The following DARS1 variants were observed in gnomAD, a reference collection of about 807,000 sequenced individuals.
The protein encoded by DARS1 is aspartate--tRNA ligase, cytoplasmic.
DARS1 carries 51 observed loss-of-function variants against 68.8 expected under a neutral mutation model. The observed-to-expected ratio is 0.74, with a 90% CI of 0.59 to 0.94. The LOEUF is 0.94. Among genes scored for constraint, DARS1 ranks in the 40% least tolerant of loss-of-function variants. The probability of loss-of-function intolerance (pLI) is 0.00; values close to 1 mark genes in which losing one functional copy is unlikely to be tolerated. For missense variants in DARS1, 607 were observed against 597.3 expected, an observed-to-expected ratio of 1.02 and a Z score of -0.17; for synonymous variants, 203 against 190.4, an observed-to-expected ratio of 1.07 and a Z score of -0.55.
Position 135,925,223 on chromosome 2 carries a change from C to CT in DARS1, c.565-726dup, listed in dbSNP as rs576672998. 2.6e-5 allele frequency among the ~76,000 whole-genome samples: 4 copies of CT among 152,248 alleles called. No homozygotes were observed. In the East Asian group the frequency reaches 7.7e-4, roughly 29 times the overall value. ...TAGAGGTAATTATCTCTACTTTAGA[C>CT]TAACTTTTGTCCACTTCTCTGGTCA... On this transcript the variant is annotated intron_variant, in intron 7 of 15. Transcript: ENST00000264161.
chr2:135,960,280 T>C (rs1682071881), intron 4 of DARS1, among the ~76,000 whole-genome samples: 1 of 152,224 alleles, frequency 6.6e-6, no homozygotes. Flanking sequence ...ATACAATTCA[T>C]GGCACTTAAG....
chr2:135,977,435 G>A (rs1011228816), intron 3 of DARS1, among the ~76,000 whole-genome samples: 1 of 152,190 alleles, frequency 6.6e-6, no homozygotes, highest in Non-Finnish European at 1.5e-5. Flanking sequence ...ATAAAGGGAT[G>A]GGTGTGAAGG....
At chr2:135,923,639 T>C (rs1187700589) in intron 8 of DARS1, among the ~76,000 whole-genome samples, 1 of 152,206 alleles carries the variant, frequency 6.6e-6, no homozygotes, top group African/African-American at 2.4e-5. Context: ...ATTGTGAATT[T>C]GTAACAAAAT....
At chr2:135,967,976 A>C (rs916524360) in intron 3 of DARS1, among the ~76,000 whole-genome samples, 1 of 152,164 alleles carries the variant, frequency 6.6e-6, no homozygotes, top group African/African-American at 2.4e-5. Flanking sequence ...AACACAATCT[A>C]CGGCCGGGGG....
At chr2:135,963,984 A>C (rs1682158830) in intron 3 of DARS1, among the ~76,000 whole-genome samples, 1 of 152,212 alleles carries the variant, frequency 6.6e-6, no homozygotes. Flanking sequence ...CCTGGCCTTA[A>C]TGACTATTAT....
chr2:135,953,350 CCA>C (rs1681891080), intron 4 of DARS1, among the ~76,000 whole-genome samples: 1 of 152,188 alleles, frequency 6.6e-6, no homozygotes, highest in Non-Finnish European at 1.5e-5. Flanking sequence ...TTTCCTGCAT[CCA>C]CAATCTTAGT....
At chr2:135,960,749 A>G (rs1682080467) in intron 4 of DARS1, among the ~76,000 whole-genome samples, 1 of 152,146 alleles carries the variant, frequency 6.6e-6, no homozygotes, top group Admixed American at 6.6e-5. Flanking sequence ...AGCTCTCATC[A>G]CCTTAGAGCC....
chr2:135,926,168 G>A (rs1681208328), intron 7 of DARS1, among the ~76,000 whole-genome samples: 1 of 152,152 alleles, frequency 6.6e-6, no homozygotes, highest in African/African-American at 2.4e-5. Context: ...TGGGATTACA[G>A]GTGTGAGCCA....
chr2:135,959,280 G>C lies in DARS1; in HGVS notation c.320+2116C>G, dbSNP rs545082497. Among the ~76,000 whole-genome samples, 8 of 151,564 alleles carry C rather than the reference G, an allele frequency of 5.3e-5. No homozygotes were observed. The South Asian group carries it at 1.0e-3, about 20-fold the overall frequency. ...GTGGTGGCATATGCCTGTAATCCCA[G>C]CTACTGGGGAGGCTGAGGCAGGAGA... On this transcript the variant is annotated intron_variant, in intron 4 of 15. Transcript: ENST00000264161.
chr2:135,949,325 C>T (rs913418996), intron 4 of DARS1, among the ~76,000 whole-genome samples: 2 of 152,020 alleles, frequency 1.3e-5, no homozygotes, highest in Admixed American at 1.3e-4. Context: ...TACAAAAAGG[C>T]CTCCAGGACT....
intron 4 of DARS1, among the ~76,000 whole-genome samples, chr2:135,954,325 C>CA (rs1172207033): frequency 0.077 from 6,283 of 81,336 alleles, 347 homozygotes; most frequent in African/African-American, 0.19. Context: ...AAAACAAAAC[C>CA]AAAAAAAAAA....
At chr2:135,960,824 C>T (rs1682082061) in intron 4 of DARS1, among the ~76,000 whole-genome samples, 1 of 152,190 alleles carries the variant, frequency 6.6e-6, no homozygotes, top group African/African-American at 2.4e-5. Context: ...AAACAATGTG[C>T]TGCTTCTACG....
At chr2:135,949,937 T>G (rs1681807174) in intron 4 of DARS1, among the ~76,000 whole-genome samples, 1 of 152,216 alleles carries the variant, frequency 6.6e-6, no homozygotes, top group Non-Finnish European at 1.5e-5. Context: ...GCACTTCAGA[T>G]TTAATATCTA....
At chr2:135,968,472 G>T (rs979065741) in intron 3 of DARS1, among the ~76,000 whole-genome samples, 7 of 152,014 alleles carry the variant, frequency 4.6e-5, no homozygotes, top group Admixed American at 6.6e-5. Context: ...TCTTGCTGGT[G>T]GGGACTCTGC....
At position 135,911,195 on chromosome 2, in the gene DARS1, T is replaced by G; in HGVS notation, c.1358A>C (p.Lys453Thr). The G allele has an allele frequency of 6.5e-7, 1 of 1,534,780 alleles. No individual in the cohort carries two copies. The highest frequency in any genetic ancestry group is 1.1e-5 in the South Asian group (1 of 89,138). Residue 453 changes from lysine to threonine, a missense_variant, in exon 15 of 16, where the codon AAG becomes ACG. Physicochemically the swap from Lys to Thr is moderately conservative, Grantham distance 78. Coordinates refer to ENST00000264161, the MANE Select transcript of DARS1 (RefSeq NM_001349.4). ...AAAGCGGAAGGAATCAATGTAAGCC[T>G]TAATTTTCTCCAAATCTGCAAAAAG... ...LHHGIDLEKI[K>T]AYIDSFRFGA... is the part of the protein sequence containing the mutation.
chr2:135,934,071 T>C, intron 5 of DARS1, 81 bp from the exon 6 acceptor site: 1 of 1,541,168 alleles, frequency 6.5e-7, no homozygotes, highest in Non-Finnish European at 8.8e-7. Context: ...TACAGTTGAC[T>C]TAAGCATGAA....
rs1351600257 is a variant in DARS1, at chr2:135,906,334, A to ATTCC, written c.*981_*982insGGAA. On this transcript the variant is annotated 3_prime_UTR_variant, in exon 16 of 16. Transcript: ENST00000264161. ...AACATTTGTAATAATCTAGAGGGAAAGTGTTTCTAACTAATTCTTACACAA... is the reference window on the plus strand; with the variant it reads ...AACATTTGTAATAATCTAGAGGGAAATTCCGTGTTTCTAACTAATTCTTACACAA... Among the ~76,000 whole-genome samples the ATTCC allele has an allele frequency of 3.3e-5, 5 of 151,922 alleles. No homozygotes were observed. Among genetic ancestry groups the ATTCC allele is most frequent in the Admixed American group, 6.6e-5 (1 of 15,224 alleles).
At chr2:135,951,303 C>T (rs574017888) in intron 4 of DARS1, among the ~76,000 whole-genome samples, 106 of 152,298 alleles carry the variant, frequency 7.0e-4, no homozygotes, top group African/African-American at 2.2e-3. Context: ...AAGATGAGCC[C>T]ATCTCAGTTC....
intron 5 of DARS1, among the ~76,000 whole-genome samples, chr2:135,939,168 A>G (rs1681539696): frequency 6.6e-6 from 1 of 152,238 alleles, no homozygotes; most frequent in African/African-American, 2.4e-5. Flanking sequence ...CCTAATAGAC[A>G]TCTGCAGAAC....
Sources: gnomAD v4.1 joint callset for allele counts (sites outside exome capture counted in the v4.1 genomes callset) on GRCh38, gnomAD v4.1.1 for gene constraint, MANE v1.5 for transcripts, NCBI Gene and HGNC (gene_info 2026-07-23, HGNC 2026-07-21) for gene names.